KYNU: variants seen among roughly 807,000 people sequenced by gnomAD.
The protein encoded by KYNU is L-kynurenine hydrolase.
Under a neutral mutation model 59.2 loss-of-function variants are expected in KYNU, and 54 were observed. The observed-to-expected ratio is 0.91, with a 90% CI of 0.73 to 1.14. KYNU has a LOEUF of 1.14. KYNU is among the 50% of genes most tolerant of loss of function. The pLI is 0.00. For synonymous variants in KYNU, 177 were observed against 192.0 expected, an observed-to-expected ratio of 0.92 and a Z score of 0.65; for missense variants, 567 against 554.4, an observed-to-expected ratio of 1.02 and a Z score of -0.23.
rs182268945 is a variant in KYNU, at chr2:142,885,904, T to G, written c.169+368T>G. Among the ~76,000 whole-genome samples the G allele has an allele frequency of 1.1e-3, 166 of 152,332 alleles. 3 individuals are homozygous for G. Among genetic ancestry groups the G allele is most frequent in the Admixed American group, 9.3e-3 (143 of 15,304 alleles). On this transcript the variant is annotated intron_variant, in intron 2 of 13. Coordinates refer to ENST00000264170, the MANE Select transcript of KYNU (RefSeq NM_003937.3). ...TAGAATAGCTCTTATATTCTGGCAC[T>G]TAGTTTATAATAATATGATGTTTGT...
At chr2:142,973,385 T>C (rs535679957) in intron 8 of KYNU, among the ~76,000 whole-genome samples, 1 of 152,226 alleles carries the variant, frequency 6.6e-6, no homozygotes, top group East Asian at 1.9e-4. Context: ...CTGTTCCTTC[T>C]CAGAACCTCA....
chr2:142,924,324 C>G (rs983964858), intron 3 of KYNU, among the ~76,000 whole-genome samples: 1 of 152,138 alleles, frequency 6.6e-6, no homozygotes. Flanking sequence ...CCAGGCTGGT[C>G]TCAAACACCT....
intron 2 of KYNU, among the ~76,000 whole-genome samples, chr2:142,895,249 A>G (rs7562371): frequency 0.43 from 65,323 of 152,032 alleles, 14,304 homozygotes; most frequent in South Asian, 0.56. Context: ...ACAATTTCAT[A>G]ACCCCCAAAA....
intron 11 of KYNU, among the ~76,000 whole-genome samples, chr2:143,030,952 A>G (rs943162525): frequency 2.6e-5 from 4 of 152,224 alleles, no homozygotes; most frequent in Non-Finnish European, 5.9e-5. Context: ...AATATATTAT[A>G]TGATTTATTG....
chr2:142,902,776 A>G (rs780602080), intron 2 of KYNU, among the ~76,000 whole-genome samples: 4 of 152,222 alleles, frequency 2.6e-5, no homozygotes, highest in Non-Finnish European at 5.9e-5. Context: ...AAAGGACAAG[A>G]CTGTTCAGGT....
At chr2:142,994,339 T>C (rs1222053078) in intron 10 of KYNU, among the ~76,000 whole-genome samples, 1 of 152,066 alleles carries the variant, frequency 6.6e-6, no homozygotes, top group African/African-American at 2.4e-5. Context: ...TGGAATATAT[T>C]ACTCACAACA....
intron 8 of KYNU, among the ~76,000 whole-genome samples, chr2:142,967,134 T>C (rs1684571588): frequency 6.6e-6 from 1 of 152,162 alleles, no homozygotes; most frequent in Non-Finnish European, 1.5e-5. Flanking sequence ...CATCCCTTTC[T>C]AATTTCATCT....
chr2:143,016,371 G>T lies in KYNU; in HGVS notation c.903-13256G>T, dbSNP rs551682947. ...GAAACAATTTGGTTGTCTCTAATAG[G>T]ATTATAAAATTCTCTCTTTCATGTA... is the stretch of plus-strand genomic sequence containing the variant. On this transcript the variant is annotated intron_variant, in intron 10 of 13. Transcript: ENST00000264170. Among the ~76,000 whole-genome samples, 13 of 152,268 alleles carry T rather than the reference G, an allele frequency of 8.5e-5. No homozygotes were observed. In the South Asian group the frequency reaches 2.7e-3, roughly 32 times the overall value.
intron 12 of KYNU, among the ~76,000 whole-genome samples, chr2:143,036,737 A>G (rs1007108873): frequency 6.6e-6 from 1 of 152,230 alleles, no homozygotes; most frequent in Non-Finnish European, 1.5e-5. Context: ...TTTACTTTTT[A>G]TACTCCTAAG....
intron 10 of KYNU, among the ~76,000 whole-genome samples, chr2:143,002,037 T>A (rs1478235650): frequency 6.6e-6 from 1 of 152,026 alleles, no homozygotes; most frequent in East Asian, 1.9e-4. Flanking sequence ...CATACAGGGG[T>A]AATAGATCCA....
chr2:143,003,421 A>G (rs1573889475), intron 10 of KYNU, among the ~76,000 whole-genome samples: 1 of 150,286 alleles, frequency 6.7e-6, no homozygotes, highest in East Asian at 1.9e-4. Flanking sequence ...AAAAATCATA[A>G]TAATAAAATA....
Position 143,042,120 on chromosome 2 carries a change from A to G in KYNU, c.1346A>G (p.Lys449Arg). 6.2e-7 allele frequency: 1 copy of G among 1,611,116 alleles called. No individual in the cohort carries two copies. The highest frequency in any genetic ancestry group is 8.5e-7 in the Non-Finnish European group (1 of 1,178,442). The change falls in exon 14 of 14, where the codon AAA becomes AGA. Residue 449 changes from lysine to arginine, a missense_variant. Coordinates refer to ENST00000264170, the MANE Select transcript of KYNU (RefSeq NM_003937.3). The stretch of plus-strand genomic sequence containing the variant: ...TATAATTCTTTCCATGATGTTTATA[A>G]ATTTACCAATCTGCTCACTTCTATA... Reference protein sequence around the residue: ...PLYNSFHDVYKFTNLLTSILD... With the variant: ...PLYNSFHDVYRFTNLLTSILD...
At chr2:142,981,019 T>C (rs75300834) in intron 8 of KYNU, among the ~76,000 whole-genome samples, 4,973 of 152,208 alleles carry the variant, frequency 0.033, 254 homozygotes, top group African/African-American at 0.11. Context: ...TGCAGTGATA[T>C]TCATGTTTGT....
intron 10 of KYNU, among the ~76,000 whole-genome samples, chr2:143,000,050 A>T (rs2105184251): frequency 6.6e-6 from 1 of 152,324 alleles, no homozygotes; most frequent in Non-Finnish European, 1.5e-5. Flanking sequence ...AAATAAAGAC[A>T]TAAAGGAAGA....
At chr2:143,034,690 C>A (rs1686843567) in intron 12 of KYNU, among the ~76,000 whole-genome samples, 1 of 152,186 alleles carries the variant, frequency 6.6e-6, no homozygotes, top group Non-Finnish European at 1.5e-5. Context: ...GAGTAAAAAT[C>A]TGCTTAGTAA....
intron 3 of KYNU, among the ~76,000 whole-genome samples, chr2:142,926,841 CT>C (rs1181336670): frequency 5.1e-4 from 78 of 152,340 alleles, no homozygotes; most frequent in African/African-American, 1.8e-3. Flanking sequence ...GATGGTTCAA[CT>C]TTATTAAATG....
At chr2:142,951,070 C>T (rs139517373) in intron 4 of KYNU, among the ~76,000 whole-genome samples, 213 of 152,166 alleles carry the variant, frequency 1.4e-3, no homozygotes, top group African/African-American at 4.8e-3. Flanking sequence ...TTGTAGCATG[C>T]CAAAATAATT....
chr2:142,895,156 A>G (rs1558906027), intron 2 of KYNU, among the ~76,000 whole-genome samples: 1 of 152,226 alleles, frequency 6.6e-6, no homozygotes, highest in Non-Finnish European at 1.5e-5. Flanking sequence ...TACACATTCC[A>G]TAAATTGGAA....
intron 8 of KYNU, among the ~76,000 whole-genome samples, chr2:142,966,670 C>T (rs1427179199): frequency 1.3e-5 from 2 of 152,058 alleles, no homozygotes; most frequent in Non-Finnish European, 2.9e-5. Flanking sequence ...TACTTTTCAG[C>T]ATAGTTTTAA....
Sources: gnomAD v4.1 joint callset for allele counts (sites outside exome capture counted in the v4.1 genomes callset) on GRCh38, gnomAD v4.1.1 for gene constraint, MANE v1.5 for transcripts, NCBI Gene and HGNC (gene_info 2026-07-23, HGNC 2026-07-21) for gene names.